ANKRD29: variants seen among roughly 807,000 people sequenced by gnomAD.
ANKRD29 encodes ankyrin repeat domain 29, also known as ankyrin repeat domain-containing protein 29.
A neutral mutation model predicts 38.0 loss-of-function variants in ANKRD29; 32 were observed. The observed-to-expected ratio is 0.84, with a 90% CI of 0.64 to 1.13. The LOEUF (loss-of-function observed/expected upper bound fraction) is 1.13, where lower values mean the gene tolerates loss of function less well. Ranked by LOEUF, ANKRD29 falls within the 50% of genes most tolerant of loss-of-function variation. The probability of loss-of-function intolerance (pLI) is 0.00; values close to 1 mark genes in which losing one functional copy is unlikely to be tolerated. For synonymous variants in ANKRD29, 135 were observed against 152.4 expected (o/e 0.89, Z 0.84); for missense variants, 357 against 377.9 (o/e 0.94, Z 0.46).
intron 5 of ANKRD29, 116 bp downstream of exon 5, chr18:23,633,935 C>T: frequency 2.9e-6 from 3 of 1,021,626 alleles, no homozygotes; most frequent in Admixed American, 2.0e-5. Flanking sequence ...TGACTCAGAC[C>T]CAAGTCCTAC....
Position 23,649,188 on chromosome 18 carries a change from T to C in ANKRD29, c.27A>G (p.Glu9=), listed in dbSNP as rs1332185841. MCRMSFKK[E]TPLANAAFWA... is the part of the protein sequence containing the mutation. ...AGAATGCAGCATTGGCAAGTGGAGT[T>C]TCCTTCTGCAAGAACAAAATGAAAC... The change falls in exon 2 of 10, where the codon GAA becomes GAG. Residue 9 remains glutamate, a synonymous_variant. Transcript: ENST00000592179. 1 of 1,612,528 alleles carries C rather than the reference T, an allele frequency of 6.2e-7. No individual in the cohort carries two copies.
At chr18:23,617,630 C>T (rs1027321377) in intron 8 of ANKRD29, 102 bp downstream of exon 8, 1 of 796,838 alleles carries the variant, frequency 1.3e-6, no homozygotes, top group Admixed American at 2.3e-5. Context: ...AAGAATCCAA[C>T]TAACCAGGCT....
chr18:23,635,896 G>A (rs1327877339), intron 4 of ANKRD29, among the ~76,000 whole-genome samples: 1 of 152,120 alleles, frequency 6.6e-6, no homozygotes, highest in Non-Finnish European at 1.5e-5. Flanking sequence ...GGTGGGGGAG[G>A]GTGCTTGAGA....
intron 1 of ANKRD29, among the ~76,000 whole-genome samples, chr18:23,660,281 C>A (rs958683634): frequency 6.6e-6 from 1 of 152,192 alleles, no homozygotes; most frequent in Non-Finnish European, 1.5e-5. Context: ...TTTGTATTTG[C>A]ATTTCCAAGA....
intron 1 of ANKRD29, among the ~76,000 whole-genome samples, chr18:23,661,609 A>T (rs1168339392): frequency 1.3e-5 from 2 of 152,184 alleles, no homozygotes; most frequent in Non-Finnish European, 2.9e-5. Context: ...TCTGGAGGGT[A>T]AGGAAGGAGA....
intron 5 of ANKRD29, among the ~76,000 whole-genome samples, chr18:23,633,181 C>T (rs140417820): frequency 6.6e-6 from 1 of 152,200 alleles, no homozygotes; most frequent in East Asian, 1.9e-4. Flanking sequence ...ATTGAAAGGC[C>T]CTTGGGTGAT....
chr18:23,612,604 G>A (rs2059657629), intron 8 of ANKRD29, among the ~76,000 whole-genome samples: 1 of 152,182 alleles, frequency 6.6e-6, no homozygotes, highest in South Asian at 2.1e-4. Flanking sequence ...AGGAAGAGCT[G>A]TTTAGCCAAC....
rs2059502794 is a variant in ANKRD29 at position 23,600,873 on chromosome 18, C to G, written c.*353G>C. On this transcript the variant is annotated 3_prime_UTR_variant, in exon 10 of 10. Coordinates refer to ENST00000592179, the MANE Select transcript of ANKRD29 (RefSeq NM_173505.4). ...CAGTCTTTTAAAGGAACAAAGCATT[C>G]TGTCTCCTTGCTTAGTACTGAGAAC... 2 of 168,324 alleles carry G rather than the reference C, an allele frequency of 1.2e-5. No homozygotes were observed. Among genetic ancestry groups the G allele is most frequent in the Non-Finnish European group, 2.6e-5 (2 of 78,058 alleles). The allele number at this position is 168,324 out of a possible 1,614,324, so 10.4% of individuals were successfully genotyped here.
intron 9 of ANKRD29, among the ~76,000 whole-genome samples, chr18:23,604,753 T>A (rs2059555020): frequency 1.3e-5 from 2 of 151,666 alleles, no homozygotes; most frequent in Non-Finnish European, 2.9e-5. Flanking sequence ...ATGGTCTCGA[T>A]TTCTTGACCT....
chr18:23,602,614 A>G (rs1429387732), intron 9 of ANKRD29, among the ~76,000 whole-genome samples: 1 of 152,142 alleles, frequency 6.6e-6, no homozygotes, highest in Non-Finnish European at 1.5e-5. Context: ...TTTTGTTTTT[A>G]ACTTATTAAA....
chr18:23,615,619 C>T (rs2059700736), intron 8 of ANKRD29, among the ~76,000 whole-genome samples: 1 of 151,660 alleles, frequency 6.6e-6, no homozygotes, highest in South Asian at 2.1e-4. Flanking sequence ...GCTATGTTGC[C>T]CAGGCTGGTT....
chr18:23,601,215 A>G lies in ANKRD29; in HGVS notation c.*11T>C, dbSNP rs1286065348. On this transcript the variant is annotated 3_prime_UTR_variant, in exon 10 of 10. Transcript: ENST00000592179. ...TAAGCTTTCTATCTTTCTGTCAAAT[A>G]TGGAGCTAAGTTAGCTCTTTCTGGG... 3 of 1,610,706 alleles carry G rather than the reference A, an allele frequency of 1.9e-6. No homozygotes were observed. Among genetic ancestry groups the G allele is most frequent in the Non-Finnish European group, 2.5e-6 (3 of 1,177,024 alleles).
At chr18:23,649,998 G>A (rs1036055087) in intron 1 of ANKRD29, among the ~76,000 whole-genome samples, 2 of 152,204 alleles carry the variant, frequency 1.3e-5, no homozygotes, top group African/African-American at 4.8e-5. Flanking sequence ...AAAGTGCTGG[G>A]ATTACAGGTG....
chr18:23,630,349 C>T (rs2059914670), intron 5 of ANKRD29, among the ~76,000 whole-genome samples: 2 of 152,180 alleles, frequency 1.3e-5, no homozygotes, highest in African/African-American at 2.4e-5. Flanking sequence ...ATCGCTTGCA[C>T]CTGGAGGCAG....
chr18:23,651,776 T>C (rs2060213884), intron 1 of ANKRD29, among the ~76,000 whole-genome samples: 2 of 152,220 alleles, frequency 1.3e-5, no homozygotes, highest in Non-Finnish European at 2.9e-5. Flanking sequence ...TGGTTTTCTA[T>C]AAGGTTCTAG....
At chr18:23,626,772 C>G (rs1261351006) in intron 6 of ANKRD29, among the ~76,000 whole-genome samples, 3 of 152,222 alleles carry the variant, frequency 2.0e-5, no homozygotes, top group Admixed American at 1.3e-4. Context: ...CGTTCAGATT[C>G]CCTGAAGCTC....
chr18:23,606,916 G>A (rs766458577), intron 9 of ANKRD29, among the ~76,000 whole-genome samples: 8 of 152,154 alleles, frequency 5.3e-5, no homozygotes, highest in African/African-American at 1.7e-4. Context: ...AGGGTAAAGC[G>A]GCAGGCAGTA....
At chr18:23,605,249 T>C (rs960100382) in intron 9 of ANKRD29, among the ~76,000 whole-genome samples, 10 of 152,274 alleles carry the variant, frequency 6.6e-5, no homozygotes, top group African/African-American at 2.4e-4. Context: ...ATTTATTTTT[T>C]TAGACAGATG....
At chr18:23,656,051 C>T (rs1029091793) in intron 1 of ANKRD29, among the ~76,000 whole-genome samples, 7 of 149,160 alleles carry the variant, frequency 4.7e-5, no homozygotes, top group Admixed American at 3.3e-4. Context: ...CGAGATCCCG[C>T]CACTGCACTC....
Sources: allele counts gnomAD v4.1 joint callset (sites outside exome capture counted in the v4.1 genomes callset), GRCh38; gene constraint gnomAD v4.1.1; transcripts MANE v1.5; gene names NCBI Gene and HGNC (gene_info 2026-07-23, HGNC 2026-07-21).